Variants in UVRAG observed in about 807,000 individuals in gnomAD.
UVRAG encodes UV radiation resistance-associated gene protein.
A neutral mutation model predicts 78.0 loss-of-function variants in UVRAG; 19 were observed. The ratio of observed to expected loss-of-function variants is 0.24; its 90% confidence interval spans 0.17 to 0.36. UVRAG has a LOEUF of 0.36. UVRAG is among the 10% of genes least tolerant of loss of function. The probability of loss-of-function intolerance (pLI) is 1.00; values close to 1 mark genes in which losing one functional copy is unlikely to be tolerated. For missense variants in UVRAG, 740 were observed against 853.8 expected (o/e 0.87, Z 1.66); for synonymous variants, 323 against 324.6 (o/e 1.00, Z 0.05).
At chr11:75,853,475 C>T (rs576999804) in intron 2 of UVRAG, among the ~76,000 whole-genome samples, 1 of 152,072 alleles carries the variant, frequency 6.6e-6, no homozygotes, top group South Asian at 2.1e-4. Flanking sequence ...ATTCTGCTGC[C>T]TCAGCCTCCC....
chr11:75,815,446 G>A lies in UVRAG; in HGVS notation c.39G>A (p.Gln13=). The A allele has an allele frequency of 8.0e-7, 1 of 1,248,044 alleles. No individual in the cohort carries two copies. 77.3% of individuals were successfully genotyped at this position (1,248,044 alleles called of 1,614,324 possible). ...CGTCGGTCGGGGGCCCCGTCCCCCAGCCACCCCCGGGCCCGGCCGCTGCTC... is the reference window on the plus strand; with the variant it reads ...CGTCGGTCGGGGGCCCCGTCCCCCAACCACCCCCGGGCCCGGCCGCTGCTC... ...ASASVGGPVP[Q]PPPGPAAALP... The change falls in exon 1 of 15, where the codon CAG becomes CAA. Residue 13 remains glutamine, a synonymous_variant. Coordinates refer to ENST00000356136, the MANE Select transcript of UVRAG (RefSeq NM_003369.4).
intron 12 of UVRAG, among the ~76,000 whole-genome samples, chr11:76,060,684 G>A (rs1192052916): frequency 1.3e-5 from 2 of 152,228 alleles, no homozygotes; most frequent in African/African-American, 4.8e-5. Context: ...GCTGGCCCCA[G>A]GCAGTGAGGG....
chr11:76,014,756 G>A (rs1238602657), intron 11 of UVRAG, among the ~76,000 whole-genome samples: 2 of 152,180 alleles, frequency 1.3e-5, no homozygotes, highest in Admixed American at 6.5e-5. Context: ...CAAGTTGGTA[G>A]CATCAGAGTC....
chr11:75,992,641 G>A (rs192014389), intron 8 of UVRAG, among the ~76,000 whole-genome samples: 3 of 152,274 alleles, frequency 2.0e-5, no homozygotes, highest in East Asian at 3.9e-4. Context: ...GCATAACCTG[G>A]TCTACTTTTT....
chr11:75,865,287 CAAAAA>C (rs1195072746), intron 3 of UVRAG, among the ~76,000 whole-genome samples: 243 of 45,742 alleles, frequency 5.3e-3, no homozygotes, highest in Non-Finnish European at 9.9e-3. Context: ...AACTCCATCT[CAAAAA>C]AAAAAAAAAA....
intron 12 of UVRAG, among the ~76,000 whole-genome samples, chr11:76,048,117 T>C (rs1047382150): frequency 1.3e-5 from 2 of 152,200 alleles, no homozygotes; most frequent in African/African-American, 4.8e-5. Flanking sequence ...ATGTGATTGA[T>C]CTTTTTGGAT....
intron 14 of UVRAG, among the ~76,000 whole-genome samples, chr11:76,126,874 G>A (rs181680835): frequency 3.7e-4 from 56 of 152,158 alleles, no homozygotes; most frequent in East Asian, 1.9e-4. Flanking sequence ...CACAAATACC[G>A]TATTTTATTC....
intron 11 of UVRAG, chr11:76,013,167 A>T (rs1407917054): frequency 1.3e-5 from 2 of 152,174 alleles, no homozygotes; most frequent in African/African-American, 4.8e-5. Flanking sequence ...TGTCCAACAT[A>T]TAAATCAAAG....
chr11:75,817,162 G>T (rs1339117561), intron 1 of UVRAG, among the ~76,000 whole-genome samples: 1 of 152,160 alleles, frequency 6.6e-6, no homozygotes, highest in East Asian at 1.9e-4. Context: ...GTATGTGTGG[G>T]AGGTAGAGTG....
chr11:76,118,760 C>G (rs1026136897), intron 14 of UVRAG, among the ~76,000 whole-genome samples: 9 of 152,108 alleles, frequency 5.9e-5, no homozygotes. Flanking sequence ...TGAGACTGGC[C>G]TACAGTTTTT....
intron 7 of UVRAG, among the ~76,000 whole-genome samples, chr11:75,964,120 T>G (rs1401898241): frequency 1.3e-5 from 2 of 152,236 alleles, no homozygotes; most frequent in Non-Finnish European, 1.5e-5. Flanking sequence ...GAATTACTTT[T>G]TAATGCTCAT....
intron 13 of UVRAG, among the ~76,000 whole-genome samples, chr11:76,110,366 A>G (rs1438380442): frequency 6.6e-6 from 1 of 152,140 alleles, no homozygotes; most frequent in East Asian, 1.9e-4. Context: ...CCATTTTACA[A>G]GTAAGGAAAT....
At chr11:76,083,620 C>T (rs564978677) in intron 13 of UVRAG, among the ~76,000 whole-genome samples, 3 of 152,104 alleles carry the variant, frequency 2.0e-5, no homozygotes, top group Non-Finnish European at 4.4e-5. Context: ...GGTGGTCACT[C>T]TATACAAAGT....
chr11:76,054,664 T>C (rs1477796917), intron 12 of UVRAG, among the ~76,000 whole-genome samples: 2 of 152,254 alleles, frequency 1.3e-5, no homozygotes, highest in African/African-American at 4.8e-5. Flanking sequence ...TGGAACACTC[T>C]TCCCCAGATA....
intron 3 of UVRAG, among the ~76,000 whole-genome samples, chr11:75,869,286 G>A (rs1441101600): frequency 6.6e-6 from 1 of 152,164 alleles, no homozygotes; most frequent in Non-Finnish European, 1.5e-5. Context: ...AAAGCATGTG[G>A]CATAATTTAT....
chr11:76,071,270 GA>G (rs1329537766), intron 13 of UVRAG, among the ~76,000 whole-genome samples: 13 of 152,260 alleles, frequency 8.5e-5, no homozygotes, highest in African/African-American at 3.1e-4. Flanking sequence ...TATGAATGAT[GA>G]CAAGGAACTA....
intron 8 of UVRAG, among the ~76,000 whole-genome samples, chr11:76,003,106 G>A (rs895315786): frequency 3.4e-4 from 51 of 150,442 alleles, no homozygotes; most frequent in African/African-American, 1.1e-3. Flanking sequence ...AGGTATGAGG[G>A]TATCATTTAA....
chr11:76,046,567 A>G (rs1950760934), intron 12 of UVRAG, among the ~76,000 whole-genome samples: 1 of 152,262 alleles, frequency 6.6e-6, no homozygotes, highest in Non-Finnish European at 1.5e-5. Context: ...TCAAAAAAAT[A>G]ACATGGTTAT....
chr11:75,818,313 T>C (rs1945307732), intron 1 of UVRAG, among the ~76,000 whole-genome samples: 1 of 152,162 alleles, frequency 6.6e-6, no homozygotes. Flanking sequence ...ATGGAGTATC[T>C]GTGTATGTCT....
Sources: allele counts gnomAD v4.1 joint callset (sites outside exome capture counted in the v4.1 genomes callset), GRCh38; gene constraint gnomAD v4.1.1; transcripts MANE v1.5; gene names NCBI Gene and HGNC (gene_info 2026-07-23, HGNC 2026-07-21).